Variants in MBD5 observed in about 807,000 individuals in gnomAD.
MBD5 encodes the protein methyl-CpG binding domain protein 5.
Under a neutral mutation model 117.3 loss-of-function variants are expected in MBD5, and 13 were observed. That is an observed-to-expected ratio of 0.11 (90% CI 0.07 to 0.18). The LOEUF (loss-of-function observed/expected upper bound fraction) is 0.18, where lower values mean the gene tolerates loss of function less well. Among genes scored for constraint, MBD5 ranks in the 10% least tolerant of loss-of-function variants. The probability of loss-of-function intolerance (pLI) is 1.00; values close to 1 mark genes in which losing one functional copy is unlikely to be tolerated. For synonymous variants in MBD5, 727 were observed against 766.4 expected (o/e 0.95, Z 0.85); for missense variants, 1,879 against 2,093.8 (o/e 0.90, Z 2.00).
chr2:148,229,004 T>G (rs1402380648), intron 2 of MBD5, among the ~76,000 whole-genome samples: 1 of 152,164 alleles, frequency 6.6e-6, no homozygotes, highest in Non-Finnish European at 1.5e-5. Flanking sequence ...CTCTCTTTTC[T>G]TCTTTATTAG....
At chr2:148,338,113 T>TA (rs1702844152) in intron 3 of MBD5, among the ~76,000 whole-genome samples, 1 of 152,212 alleles carries the variant, frequency 6.6e-6, no homozygotes, top group African/African-American at 2.4e-5. Flanking sequence ...GCAGGGTTAT[T>TA]ACACTGAATA....
chr2:148,095,093 A>G (rs938203769), intron 1 of MBD5, among the ~76,000 whole-genome samples: 1 of 152,212 alleles, frequency 6.6e-6, no homozygotes, highest in African/African-American at 2.4e-5. Flanking sequence ...TGTTCACTAA[A>G]TATAGTTAAA....
intron 3 of MBD5, among the ~76,000 whole-genome samples, chr2:148,256,742 G>C (rs951928854): frequency 3.9e-5 from 6 of 152,356 alleles, no homozygotes; most frequent in East Asian, 1.9e-4. Flanking sequence ...TATCGAGAAT[G>C]GGGGGACACC....
intron 4 of MBD5, among the ~76,000 whole-genome samples, chr2:148,448,657 G>C (rs557643339): frequency 1.3e-5 from 2 of 152,100 alleles, no homozygotes; most frequent in South Asian, 4.1e-4. Context: ...TATAGTAAAA[G>C]TGTATATAAA....
intron 3 of MBD5, among the ~76,000 whole-genome samples, chr2:148,280,131 C>CAA (rs3076398): frequency 0.32 from 28,776 of 89,842 alleles, 4,874 homozygotes; most frequent in East Asian, 0.59. Context: ...AAACTAACTG[C>CAA]AAAAAAAAAA....
intron 4 of MBD5, among the ~76,000 whole-genome samples, chr2:148,386,947 A>T (rs971924465): frequency 1.8e-4 from 27 of 152,158 alleles, no homozygotes; most frequent in African/African-American, 6.5e-4. Context: ...AAAAAGCTTC[A>T]GGCCTACATG....
chr2:148,461,014 C>A (rs1471330397), intron 5 of MBD5, among the ~76,000 whole-genome samples: 1 of 152,160 alleles, frequency 6.6e-6, no homozygotes, highest in Non-Finnish European at 1.5e-5. Context: ...CTCACTGCAA[C>A]CTCTGCCTCT....
intron 3 of MBD5, among the ~76,000 whole-genome samples, chr2:148,311,927 T>C (rs899553626): frequency 2.0e-5 from 3 of 152,234 alleles, no homozygotes; most frequent in African/African-American, 7.2e-5. Flanking sequence ...TGGTTGCATA[T>C]GAAATTTTGG....
At chr2:148,325,378 T>C (rs2106595619) in intron 3 of MBD5, among the ~76,000 whole-genome samples, 1 of 152,340 alleles carries the variant, frequency 6.6e-6, no homozygotes, top group South Asian at 2.1e-4. Flanking sequence ...TTCCCTCTTT[T>C]TCTATTGATT....
At chr2:148,157,143 T>A (rs75243657) in intron 1 of MBD5, among the ~76,000 whole-genome samples, 3 of 152,140 alleles carry the variant, frequency 2.0e-5, no homozygotes, top group Non-Finnish European at 4.4e-5. Context: ...ATTTCTTTTT[T>A]TATTATTATT....
Position 148,363,518 on chromosome 2 carries a change from C to T in MBD5, c.-557+21182C>T, listed in dbSNP as rs1203749633. On this transcript the variant is annotated intron_variant, in intron 4 of 13. Coordinates refer to ENST00000642680, the MANE Select transcript of MBD5 (RefSeq NM_001378120.1). Reference sequence around the variant, plus strand: ...AAAGTGCTGGGATTACAGGCATGAGCCACCACACGCAGCCTCTGAGAACCT... The same window carrying T: ...AAAGTGCTGGGATTACAGGCATGAGTCACCACACGCAGCCTCTGAGAACCT... Among the ~76,000 whole-genome samples, 3 of 152,172 alleles carry T rather than the reference C, an allele frequency of 2.0e-5. No homozygotes were observed. The East Asian group carries it at 5.8e-4, about 29-fold the overall frequency.
chr2:148,365,361 C>A (rs987370350), intron 4 of MBD5, among the ~76,000 whole-genome samples: 1 of 152,142 alleles, frequency 6.6e-6, no homozygotes, highest in Non-Finnish European at 1.5e-5. Context: ...ACATTTATAG[C>A]ACCAAATGCC....
intron 3 of MBD5, among the ~76,000 whole-genome samples, chr2:148,338,365 C>G (rs537302105): frequency 4.1e-4 from 63 of 152,100 alleles, no homozygotes; most frequent in African/African-American, 1.5e-3. Flanking sequence ...AATTCCCAGC[C>G]TTATGTGTCT....
chr2:148,451,434 G>A (rs1277326016), intron 4 of MBD5, among the ~76,000 whole-genome samples: 1 of 152,110 alleles, frequency 6.6e-6, no homozygotes, highest in Non-Finnish European at 1.5e-5. Flanking sequence ...TGAAACAGAT[G>A]GGGGGAGGTT....
chr2:148,204,891 T>G (rs1699238159), intron 2 of MBD5, among the ~76,000 whole-genome samples: 1 of 152,090 alleles, frequency 6.6e-6, no homozygotes, highest in Admixed American at 6.5e-5. Context: ...TGAAAGGATT[T>G]AACTGTAAAA....
At chr2:148,105,333 C>T (rs1287750474) in intron 1 of MBD5, among the ~76,000 whole-genome samples, 4 of 151,848 alleles carry the variant, frequency 2.6e-5, no homozygotes. Context: ...ATCCTCCAGC[C>T]TTAGCTTCTC....
intron 3 of MBD5, among the ~76,000 whole-genome samples, chr2:148,292,691 A>T (rs1324853431): frequency 6.6e-6 from 1 of 152,208 alleles, no homozygotes; most frequent in Non-Finnish European, 1.5e-5. Context: ...TAGAGCTACC[A>T]TATGATCCAG....
chr2:148,485,706 C>T (rs1681315926), intron 9 of MBD5, 36 bp from the exon 10 acceptor site: 1 of 1,477,842 alleles, frequency 6.8e-7, no homozygotes, highest in African/African-American at 1.4e-5. Flanking sequence ...TCCGAAGAAT[C>T]ACATTTATTT....
At chr2:148,134,655 C>T (rs1211907491) in intron 1 of MBD5, among the ~76,000 whole-genome samples, 3 of 152,256 alleles carry the variant, frequency 2.0e-5, no homozygotes, top group Admixed American at 6.5e-5. Context: ...ATTTCTCCAC[C>T]GTCTTCTAAC....
Sources: gnomAD v4.1 joint callset for allele counts (sites outside exome capture counted in the v4.1 genomes callset) on GRCh38, gnomAD v4.1.1 for gene constraint, MANE v1.5 for transcripts, NCBI Gene and HGNC (gene_info 2026-07-23, HGNC 2026-07-21) for gene names.